HS1BP3: variants seen among roughly 807,000 people sequenced by gnomAD.
HS1BP3 encodes the protein HCLS1 binding protein 3.
A neutral mutation model predicts 33.5 loss-of-function variants in HS1BP3; 32 were observed. The ratio of observed to expected loss-of-function variants is 0.95; its 90% CI spans 0.72 to 1.28. HS1BP3 has a LOEUF of 1.28. HS1BP3 is among the 50% of genes most tolerant of loss of function. HS1BP3 has a pLI of 0.00. For missense variants in HS1BP3, 486 were observed against 502.3 expected, an observed-to-expected ratio of 0.97 and a Z score of 0.31; for synonymous variants, 187 against 209.2, an observed-to-expected ratio of 0.89 and a Z score of 0.92.
At chr2:20,569,334 A>G (rs1470486763) in intron 5 of HS1BP3, among the ~76,000 whole-genome samples, 2 of 152,168 alleles carry the variant, frequency 1.3e-5, no homozygotes, top group Non-Finnish European at 2.9e-5. Flanking sequence ...TTTTCTGTGC[A>G]AGCTGCTGGG....
intron 1 of HS1BP3, among the ~76,000 whole-genome samples, chr2:20,647,048 T>C (rs982116259): frequency 6.6e-6 from 1 of 151,774 alleles, no homozygotes; most frequent in African/African-American, 2.4e-5. Context: ...TTTAGGATCA[T>C]GATGAAAACG....
intron 2 of HS1BP3, chr2:20,606,325 T>C (rs1425425366): frequency 9.4e-5 from 44 of 469,160 alleles, no homozygotes; most frequent in Non-Finnish European, 1.8e-4. Context: ...CCTTGGTATT[T>C]CTGGTATAAA....
At chr2:20,569,937 C>T (rs912401350) in intron 5 of HS1BP3, among the ~76,000 whole-genome samples, 3 of 152,238 alleles carry the variant, frequency 2.0e-5, no homozygotes, top group Non-Finnish European at 4.4e-5. Context: ...GATCAGGACC[C>T]TCTGCCTGGT....
chr2:20,639,515 A>G (rs1695271384), intron 3 of HS1BP3, among the ~76,000 whole-genome samples: 1 of 152,240 alleles, frequency 6.6e-6, no homozygotes, highest in South Asian at 2.1e-4. Flanking sequence ...ACTTTTAATA[A>G]AATCACCTTG....
In HS1BP3 at chr2:20,651,073, G is replaced by A. The variant is rs1222289325; in HGVS notation, c.-10C>T. Reference sequence around the variant, plus strand: ...CCGCCGGGGACTGCATGACGGCGGCGGGGACTCCGGGCGGGGCGCGCAGTC... The same window carrying A: ...CCGCCGGGGACTGCATGACGGCGGCAGGGACTCCGGGCGGGGCGCGCAGTC... On this transcript the variant is annotated 5_prime_UTR_variant, in exon 1 of 7. Transcript: ENST00000304031. 1.1e-5 allele frequency: 14 copies of A among 1,231,718 alleles called. No individual in the cohort carries two copies. The highest frequency in any genetic ancestry group is 1.5e-5 in the African/African-American group (1 of 64,520). The allele number at this position is 1,231,718 out of a possible 1,614,324, so 76.3% of individuals were successfully genotyped here.
At position 20,602,634 on chromosome 2, in the gene HS1BP3, G is replaced by T. The variant is rs1694094790; in HGVS notation, c.179-4369C>A. 2.6e-5 allele frequency among the ~76,000 whole-genome samples: 4 copies of T among 151,740 alleles called. No homozygotes were observed. The South Asian group carries it at 8.4e-4, about 32-fold the overall frequency. On this transcript the variant is annotated intron_variant, in intron 2 of 3. Transcript: ENST00000415264. ...GTTTTTGAAATCTGATGACTGTTTT[G>T]GTATGGTCAAATTTGTCTATGTTAA...
At chr2:20,610,519 C>T (rs1255394044) in intron 2 of HS1BP3, among the ~76,000 whole-genome samples, 1 of 151,590 alleles carries the variant, frequency 6.6e-6, no homozygotes, top group Non-Finnish European at 1.5e-5. Flanking sequence ...ATTTAAGTTT[C>T]CTCCATATCT....
intron 5 of HS1BP3, among the ~76,000 whole-genome samples, chr2:20,574,236 C>T (rs1211495945): frequency 1.3e-5 from 2 of 152,206 alleles, no homozygotes; most frequent in Non-Finnish European, 2.9e-5. Context: ...AGACTCAAAA[C>T]AAGCCTGTTA....
chr2:20,603,737 T>C (rs543938428), intron 2 of HS1BP3, among the ~76,000 whole-genome samples: 1 of 152,366 alleles, frequency 6.6e-6, no homozygotes, highest in Admixed American at 6.5e-5. Flanking sequence ...ATATGGTACA[T>C]GAATTATATC....
intron 2 of HS1BP3, among the ~76,000 whole-genome samples, chr2:20,602,271 A>G (rs886928524): frequency 6.6e-6 from 1 of 152,010 alleles, no homozygotes; most frequent in Admixed American, 6.5e-5. Flanking sequence ...CTTCTAAACT[A>G]CAGATACACT....
At position 20,645,443 on chromosome 2, in the gene HS1BP3, C is replaced by A; in HGVS notation, c.95G>T (p.Gly32Val). Residue 32 changes from glycine (G) to valine (V), a missense_variant, in exon 2 of 7, where the codon GGC becomes GTC. By Grantham distance (109) the Gly-to-Val change is moderately radical. Coordinates refer to ENST00000304031, the MANE Select transcript of HS1BP3 (RefSeq NM_022460.4). ...CTCCACGTGTCCAGACATCATCTTGCCCCGTACCTCCTGGTGCTGGGGCAC... is the reference window on the plus strand; with the variant it reads ...CTCCACGTGTCCAGACATCATCTTGACCCGTACCTCCTGGTGCTGGGGCAC... ...LTVPQHQEVR[G>V]KMMSGHVEYQ... 6.2e-7 allele frequency: 1 copy of A among 1,614,132 alleles called. No individual in the cohort carries two copies. The highest frequency in any genetic ancestry group is 8.5e-7 in the Non-Finnish European group (1 of 1,180,022).
intron 5 of HS1BP3, among the ~76,000 whole-genome samples, chr2:20,579,503 A>G (rs1304855614): frequency 6.6e-6 from 1 of 152,212 alleles, no homozygotes; most frequent in Non-Finnish European, 1.5e-5. Context: ...TGCATTGGAG[A>G]CTTCCGGCCC....
chr2:20,593,084 T>TC (rs1363442950), intron 3 of HS1BP3, among the ~76,000 whole-genome samples: 7 of 148,096 alleles, frequency 4.7e-5, no homozygotes, highest in African/African-American at 1.5e-4. Flanking sequence ...TCCAGCCCTG[T>TC]CCCCCCACTG....
At chr2:20,576,057 C>A (rs111227678) in intron 5 of HS1BP3, among the ~76,000 whole-genome samples, 6,154 of 152,216 alleles carry the variant, frequency 0.04, 139 homozygotes, top group South Asian at 0.068. Flanking sequence ...GGCATGACCG[C>A]AGCTCACTGC....
chr2:20,608,523 A>G (rs1447425251), intron 2 of HS1BP3, among the ~76,000 whole-genome samples: 1 of 145,284 alleles, frequency 6.9e-6, no homozygotes, highest in African/African-American at 2.6e-5. Context: ...GCAGTGAGCC[A>G]TGATTGCACC....
chr2:20,589,548 AAGCGGC>A (rs1693761636), downstream of HS1BP3, among the ~76,000 whole-genome samples: 1 of 152,172 alleles, frequency 6.6e-6, no homozygotes, highest in African/African-American at 2.4e-5. Context: ...ACACCCCCAT[AAGCGGC>A]AGCTGGTCAG....
At chr2:20,587,416 C>T (rs1693707795) in intron 5 of HS1BP3, among the ~76,000 whole-genome samples, 1 of 152,210 alleles carries the variant, frequency 6.6e-6, no homozygotes, top group Non-Finnish European at 1.5e-5. Flanking sequence ...ACCCCATCCC[C>T]TGCTCTCCTG....
intron 4 of HS1BP3, chr2:20,637,978 TG>T (rs1695197248): frequency 4.5e-6 from 1 of 220,206 alleles, no homozygotes; most frequent in African/African-American, 2.3e-5. Flanking sequence ...TGGCCAGAGA[TG>T]TATGGCTGGT....
chr2:20,619,260 G>A lies in HS1BP3; in HGVS notation c.921-15C>T. ...CCTCTTCAACTCTAGGGAACCACAGGGAGGAACCCTGAGCATAACACTGCC... is the reference window on the plus strand; with the variant it reads ...CCTCTTCAACTCTAGGGAACCACAGAGAGGAACCCTGAGCATAACACTGCC... On this transcript the variant is annotated splice_polypyrimidine_tract_variant and intron_variant, in intron 6 of 6. Transcript: ENST00000304031. 2 of 1,578,274 alleles carry A rather than the reference G, an allele frequency of 1.3e-6. No individual in the cohort carries two copies. The highest frequency in any genetic ancestry group is 1.3e-5 in the African/African-American group (1 of 74,204).
Sources: gnomAD v4.1 joint callset for allele counts (sites outside exome capture counted in the v4.1 genomes callset) on GRCh38, gnomAD v4.1.1 for gene constraint, MANE v1.5 for transcripts, NCBI Gene and HGNC (gene_info 2026-07-23, HGNC 2026-07-21) for gene names.